Variants in ZNF148 observed in about 807,000 individuals in gnomAD.
ZNF148 encodes zinc finger protein 148, also known as Beta-Enolase Repressor Factor-1.
Under a neutral mutation model 67.7 loss-of-function variants are expected in ZNF148, and 7 were observed. The ratio of observed to expected loss-of-function variants is 0.10; its 90% CI spans 0.06 to 0.19. The LOEUF (loss-of-function observed/expected upper bound fraction) is 0.19. Among genes scored for constraint, ZNF148 ranks in the 10% least tolerant of loss-of-function variants. The pLI is 1.00. For synonymous variants in ZNF148, 333 were observed against 330.7 expected, an observed-to-expected ratio of 1.01 and a Z score of -0.08; for missense variants, 583 against 947.1, an observed-to-expected ratio of 0.62 and a Z score of 5.05.
intron 7 of ZNF148, among the ~76,000 whole-genome samples, chr3:125,245,191 C>T (rs747027150): frequency 1.3e-5 from 2 of 152,068 alleles, no homozygotes; most frequent in African/African-American, 2.4e-5. Context: ...GGCTCTGTTC[C>T]GCACCCAAAT....
At chr3:125,288,545 C>T (rs1938832553) in intron 4 of ZNF148, among the ~76,000 whole-genome samples, 2 of 151,364 alleles carry the variant, frequency 1.3e-5, no homozygotes, top group Admixed American at 1.3e-4. Flanking sequence ...CAATTTCATT[C>T]CCACATTTAA....
rs556788815 is a variant in ZNF148 at position 125,279,479 on chromosome 3, G to A, written c.460-232C>T. On this transcript the variant is annotated intron_variant, in intron 5 of 8. Coordinates refer to ENST00000360647, the MANE Select transcript of ZNF148 (RefSeq NM_021964.3). ...TAATAAAACCTTGGAAGCTGGTTAA[G>A]TAAGATCTCATCACGGCCTTCTCCT... 2.6e-5 allele frequency among the ~76,000 whole-genome samples: 4 copies of A among 152,238 alleles called. No homozygotes were observed. In the East Asian group the frequency reaches 7.7e-4, roughly 29 times the overall value.
chr3:125,249,849 A>G (rs372132654), intron 7 of ZNF148, among the ~76,000 whole-genome samples: 6 of 152,324 alleles, frequency 3.9e-5, no homozygotes, highest in African/African-American at 1.4e-4. Context: ...ATTCAGCTTA[A>G]AAAAGGAAAG....
rs375817222 is a variant in ZNF148, at chr3:125,264,229, TC to T, written c.667+13496del. Among the ~76,000 whole-genome samples the T allele has an allele frequency of 3.6e-3, 548 of 152,192 alleles. 6 individuals are homozygous for T. The highest frequency in any genetic ancestry group is 0.012 in the African/African-American group (515 of 41,510). On this transcript the variant is annotated intron_variant, in intron 7 of 8. Coordinates refer to ENST00000360647, the MANE Select transcript of ZNF148 (RefSeq NM_021964.3). ...GTTATAGCAAATTATCCAAACTCCCTCCCCCCATGATTTATAGCCAGTTGGT... is the reference window on the plus strand; with the variant it reads ...GTTATAGCAAATTATCCAAACTCCCTCCCCCATGATTTATAGCCAGTTGGT...
At chr3:125,369,035 G>A (rs1429608901) in intron 1 of ZNF148, among the ~76,000 whole-genome samples, 1 of 151,400 alleles carries the variant, frequency 6.6e-6, no homozygotes, top group Non-Finnish European at 1.5e-5. Flanking sequence ...GCTAAGGCAG[G>A]CAGATCACCT....
chr3:125,307,334 C>T lies in ZNF148; in HGVS notation c.333+5974G>A, dbSNP rs191296077. Reference sequence around the variant, plus strand: ...TTTTTTTTTTTTTGAGACGGAGTCTCGCTCTGTCGCCCAGGCTGGAGTGCA... The same window carrying T: ...TTTTTTTTTTTTTGAGACGGAGTCTTGCTCTGTCGCCCAGGCTGGAGTGCA... On this transcript the variant is annotated intron_variant, in intron 4 of 8. Coordinates refer to ENST00000360647, the MANE Select transcript of ZNF148 (RefSeq NM_021964.3). Among the ~76,000 whole-genome samples, 105 of 150,944 alleles carry T rather than the reference C, an allele frequency of 7.0e-4. No homozygotes were observed. In the East Asian group the frequency reaches 0.019, roughly 27 times the overall value.
chr3:125,303,915 C>T (rs185042236), intron 4 of ZNF148, among the ~76,000 whole-genome samples: 1 of 151,986 alleles, frequency 6.6e-6, no homozygotes, highest in African/African-American at 2.4e-5. Flanking sequence ...TTGATTTTGA[C>T]ATTGCAGTGT....
Position 125,313,260 on chromosome 3 carries a change from C to T in ZNF148, c.333+48G>A, listed in dbSNP as rs200242044. The T allele has an allele frequency of 1.0e-4, 153 of 1,504,476 alleles. No homozygotes were observed. The East Asian group carries it at 3.0e-3, about 30-fold the overall frequency. 93.2% of individuals were successfully genotyped at this position (1,504,476 alleles called of 1,614,324 possible). A position where few individuals can be genotyped will look rare whatever the true frequency, so the allele number is the denominator to read the frequency against. ...TTCGATGACTTGCAGTATTACGTAA[C>T]AAAAAATTATGTTTCTAAGTTTAAT... On this transcript the variant is annotated intron_variant, in intron 4 of 8. Transcript: ENST00000360647.
intron 7 of ZNF148, among the ~76,000 whole-genome samples, chr3:125,264,161 A>C (rs1937468605): frequency 6.6e-6 from 1 of 152,218 alleles, no homozygotes. Flanking sequence ...TTTGTAATAA[A>C]ATGGTAAATG....
chr3:125,256,321 C>T (rs1937075590), intron 7 of ZNF148, among the ~76,000 whole-genome samples: 1 of 143,888 alleles, frequency 6.9e-6, no homozygotes, highest in Non-Finnish European at 1.5e-5. Flanking sequence ...TGAGCCGAGA[C>T]AGCACCACTG....
chr3:125,226,151 A>G lies in ZNF148; in HGVS notation c.*6190T>C, dbSNP rs1935623623. On this transcript the variant is annotated 3_prime_UTR_variant, in exon 9 of 9. Coordinates refer to ENST00000360647, the MANE Select transcript of ZNF148 (RefSeq NM_021964.3). ...ACACGTTTCAAGTCTAAAATATTCA[A>G]TGACAGTAACATTTGACTCTTGCAT... 1 of 152,656 alleles carries G rather than the reference A, an allele frequency of 6.6e-6. No individual in the cohort carries two copies. Among genetic ancestry groups the G allele is most frequent in the Non-Finnish European group, 1.5e-5 (1 of 68,024 alleles). The allele number at this position is 152,656 out of a possible 1,614,324, so 9.5% of individuals were successfully genotyped here.
intron 4 of ZNF148, among the ~76,000 whole-genome samples, chr3:125,291,976 G>A (rs55949816): frequency 0.021 from 3,181 of 152,280 alleles, 110 homozygotes; most frequent in African/African-American, 0.071. Context: ...TAACTGTACT[G>A]TAAACGTACT....
At chr3:125,304,563 A>G (rs1939772743) in intron 4 of ZNF148, among the ~76,000 whole-genome samples, 2 of 152,182 alleles carry the variant, frequency 1.3e-5, no homozygotes, top group African/African-American at 2.4e-5. Context: ...ATAAGAAAAT[A>G]AGTAAATATG....
At chr3:125,303,379 G>A (rs1475810589) in intron 4 of ZNF148, among the ~76,000 whole-genome samples, 1 of 152,218 alleles carries the variant, frequency 6.6e-6, no homozygotes. Flanking sequence ...GACCTGTTAG[G>A]AACCCGGCTG....
intron 1 of ZNF148, among the ~76,000 whole-genome samples, chr3:125,333,065 T>A (rs1941352913): frequency 2.0e-5 from 3 of 152,208 alleles, no homozygotes; most frequent in Non-Finnish European, 1.5e-5. Context: ...ATGTGATGTA[T>A]CTAATCCACA....
chr3:125,244,633 C>T lies in ZNF148; in HGVS notation c.668-10304G>A, dbSNP rs536229023. On this transcript the variant is annotated intron_variant, in intron 7 of 8. Transcript: ENST00000360647. ...CTGCCTCAGCCTCCTGAGTAGCTGG[C>T]ATTACAGGCATGCACCACCATGCCC... is the stretch of plus-strand genomic sequence containing the variant. Among the ~76,000 whole-genome samples the T allele has an allele frequency of 6.8e-4, 103 of 152,034 alleles. 1 individual carries two copies. The highest frequency in any genetic ancestry group is 2.1e-3 in the East Asian group (11 of 5,166).
intron 1 of ZNF148, among the ~76,000 whole-genome samples, chr3:125,352,244 T>C (rs1389086747): frequency 6.6e-6 from 1 of 152,008 alleles, no homozygotes; most frequent in Non-Finnish European, 1.5e-5. Context: ...TGCTGACACA[T>C]GCTACATCAT....
intron 1 of ZNF148, among the ~76,000 whole-genome samples, chr3:125,352,489 A>G (rs1284149051): frequency 6.6e-6 from 1 of 152,124 alleles, no homozygotes; most frequent in Non-Finnish European, 1.5e-5. Context: ...CTGTACACTG[A>G]AAACAACTGA....
rs541436855 is a variant in ZNF148, at chr3:125,230,800, C to A, written c.*1541G>T. The A allele has an allele frequency of 3.3e-5, 5 of 152,064 alleles. No homozygotes were observed. The highest frequency in any genetic ancestry group is 3.3e-4 in the Admixed American group (5 of 15,244). 9.4% of individuals were successfully genotyped at this position (152,064 alleles called of 1,614,324 possible). On this transcript the variant is annotated 3_prime_UTR_variant, in exon 9 of 9. Coordinates refer to ENST00000360647, the MANE Select transcript of ZNF148 (RefSeq NM_021964.3). ...TGCTATATCAGGATGTGCATTGTGA[C>A]AACGATGGCAGAAAATTTAAAATGT...
Sources: allele counts gnomAD v4.1 joint callset (sites outside exome capture counted in the v4.1 genomes callset), GRCh38; gene constraint gnomAD v4.1.1; transcripts MANE v1.5; gene names NCBI Gene and HGNC (gene_info 2026-07-23, HGNC 2026-07-21).